Variants in LRP1B observed in about 807,000 individuals in gnomAD.
LRP1B encodes low-density lipoprotein receptor-related protein 1B.
Under a neutral mutation model 556.6 loss-of-function variants are expected in LRP1B, and 217 were observed. The observed-to-expected ratio is 0.39, with a 90% CI of 0.35 to 0.44. The LOEUF (loss-of-function observed/expected upper bound fraction) is 0.44, where lower values mean the gene tolerates loss of function less well. LRP1B is among the 20% of genes least tolerant of loss of function. The probability of loss-of-function intolerance (pLI) is 1.00; values close to 1 mark genes in which losing one functional copy is unlikely to be tolerated. For synonymous variants in LRP1B, 2,047 were observed against 1,865.8 expected (o/e 1.10, Z -2.50); for missense variants, 5,053 against 5,620.8 (o/e 0.90, Z 3.23).
chr2:141,930,192 T>C (rs1353156601), intron 1 of LRP1B, among the ~76,000 whole-genome samples: 1 of 152,036 alleles, frequency 6.6e-6, no homozygotes, highest in African/African-American at 2.4e-5. Flanking sequence ...CTCTGGCTCA[T>C]GCTAGTGTCT....
chr2:140,301,434 G>T lies in LRP1B; in HGVS notation c.12806-3465C>A, dbSNP rs185404974. On this transcript the variant is annotated intron_variant, in intron 83 of 90. Transcript: ENST00000389484. ...TCAAAGAGAAAATCTAATATCTTCC[G>T]AGTCTGTCTATTTGTACAAATTTTA... is the stretch of plus-strand genomic sequence containing the variant. 3.2e-4 allele frequency among the ~76,000 whole-genome samples: 48 copies of T among 151,900 alleles called. 1 individual carries two copies. The East Asian group carries it at 8.9e-3, about 28-fold the overall frequency.
chr2:141,579,588 A>G (rs1296047164), intron 2 of LRP1B, among the ~76,000 whole-genome samples: 1 of 152,118 alleles, frequency 6.6e-6, no homozygotes, highest in Non-Finnish European at 1.5e-5. Flanking sequence ...GGTGAGCAGA[A>G]TAGACTAGCA....
At chr2:140,661,862 T>C (rs1208317755) in intron 41 of LRP1B, among the ~76,000 whole-genome samples, 1 of 152,112 alleles carries the variant, frequency 6.6e-6, no homozygotes, top group African/African-American at 2.4e-5. Flanking sequence ...TATGTTGTGA[T>C]ACACACAAAA....
chr2:141,165,376 C>G (rs1044369750), intron 7 of LRP1B, among the ~76,000 whole-genome samples: 15 of 151,758 alleles, frequency 9.9e-5, no homozygotes, highest in African/African-American at 3.4e-4. Context: ...TCTGTAAACT[C>G]TTTAGAGGTG....
At chr2:141,588,588 C>A (rs1687220581) in intron 2 of LRP1B, among the ~76,000 whole-genome samples, 1 of 152,146 alleles carries the variant, frequency 6.6e-6, no homozygotes, top group Non-Finnish European at 1.5e-5. Context: ...ACATTCCATA[C>A]AAGTTCCCTC....
At position 142,052,181 on chromosome 2, in the gene LRP1B, A is replaced by G. The variant is rs1900937; in HGVS notation, c.82+78467T>C. On this transcript the variant is annotated intron_variant, in intron 1 of 90. Coordinates refer to ENST00000389484, the MANE Select transcript of LRP1B (RefSeq NM_018557.3). ...CTTCTCATGATTATGGCAAGTTAAA[A>G]AAAAAACTCAAAAACGTCTACCTGA... Among the ~76,000 whole-genome samples, 685 of 152,236 alleles carry G rather than the reference A, an allele frequency of 4.5e-3. 2 individuals carry two copies. Among genetic ancestry groups the G allele is most frequent in the Middle Eastern group, 0.014 (4 of 294 alleles).
chr2:141,213,969 A>T (rs1262593739), intron 6 of LRP1B, among the ~76,000 whole-genome samples: 1 of 152,176 alleles, frequency 6.6e-6, no homozygotes, highest in African/African-American at 2.4e-5. Context: ...ACTACCAAAT[A>T]CAATGTAAAT....
At chr2:141,615,141 T>C (rs914194388) in intron 2 of LRP1B, among the ~76,000 whole-genome samples, 2 of 152,212 alleles carry the variant, frequency 1.3e-5, no homozygotes, top group Admixed American at 1.3e-4. Context: ...AGCAGAGAAC[T>C]TGGCTGAATT....
intron 23 of LRP1B, among the ~76,000 whole-genome samples, chr2:140,894,115 C>T (rs929293388): frequency 2.6e-5 from 4 of 152,174 alleles, no homozygotes; most frequent in African/African-American, 9.7e-5. Flanking sequence ...TTAAGTCCCC[C>T]ATAGCTTCAT....
rs771259326 is a variant in LRP1B at position 140,495,654 on chromosome 2, C to A, written c.8945G>T (p.Cys2982Phe). 6.2e-7 allele frequency: 1 copy of A among 1,613,898 alleles called. No homozygotes were observed. Among genetic ancestry groups the A allele is most frequent in the East Asian group, 2.2e-5 (1 of 44,864 alleles). The change falls in exon 56 of 91, where the codon TGC becomes TTC. Residue 2982 changes from cysteine (C) to phenylalanine (F), a missense_variant. Physicochemically the swap from Cys to Phe is radical, Grantham distance 205. Coordinates refer to ENST00000389484, the MANE Select transcript of LRP1B (RefSeq NM_018557.3). ...CTTGTAAGTCCCGTATGTATTGATGCATTGCTGGCTACAGGGAAAGCCTGA... is the reference window on the plus strand; with the variant it reads ...CTTGTAAGTCCCGTATGTATTGATGAATTGCTGGCTACAGGGAAAGCCTGA... The part of the protein sequence containing the change: ...CSSGFPCSQQ[C>F]INTYGTYKCL...
At chr2:140,899,247 C>G (rs971862765) in intron 23 of LRP1B, 1 of 152,796 alleles carries the variant, frequency 6.5e-6, no homozygotes, top group Non-Finnish European at 1.5e-5. Flanking sequence ...TTATGTTTTA[C>G]TCAATGATCC....
chr2:140,914,467 G>C (rs1694515602), intron 21 of LRP1B, among the ~76,000 whole-genome samples: 1 of 152,138 alleles, frequency 6.6e-6, no homozygotes, highest in Admixed American at 6.6e-5. Flanking sequence ...TGAAGAGAAA[G>C]TAGAATGTTC....
rs200858347 is a variant in LRP1B at position 140,383,294 on chromosome 2, G to A, written c.10531+2599C>T. 7.5e-3 allele frequency among the ~76,000 whole-genome samples: 527 copies of A among 69,840 alleles called. 4 individuals are homozygous for A. The highest frequency in any genetic ancestry group is 0.028 in the African/African-American group (504 of 17,820). The allele number at this position is 69,840 out of a possible 152,430, so 45.8% of individuals were successfully genotyped here. A position where few individuals can be genotyped will look rare whatever the true frequency, so the allele number is the denominator to read the frequency against. ...CTAATGTATTAGGACAGTGATGTGC[G>A]TGTGTGTGTGTGTGTGTGTGTGTGT... On this transcript the variant is annotated intron_variant, in intron 67 of 90. Coordinates refer to ENST00000389484, the MANE Select transcript of LRP1B (RefSeq NM_018557.3).
In LRP1B at chr2:141,219,955, A is replaced by C. The variant is rs554242616; in HGVS notation, c.850+9228T>G. 3.0e-3 allele frequency among the ~76,000 whole-genome samples: 452 copies of C among 152,268 alleles called. 1 individual carries two copies. The highest frequency in any genetic ancestry group is 5.0e-3 in the Non-Finnish European group (341 of 68,030). ...AGCTTCAAAATATTGAAGGTAGAAA[A>C]ACCCACCAAGATGAGAAAGAATTAA... On this transcript the variant is annotated intron_variant, in intron 6 of 90. Transcript: ENST00000389484.
In LRP1B at chr2:141,967,495, G is replaced by A. The variant is rs186705007; in HGVS notation, c.83-157094C>T. Among the ~76,000 whole-genome samples, 343 of 151,806 alleles carry A rather than the reference G, an allele frequency of 2.3e-3. 1 individual carries two copies. The highest frequency in any genetic ancestry group is 7.9e-3 in the African/African-American group (329 of 41,474). Reference sequence around the variant, plus strand: ...AGAAAATCTCACCGTATTTCTTATCGAAGTGCTAGATTCTCATTCCTTTCA... The same window carrying A: ...AGAAAATCTCACCGTATTTCTTATCAAAGTGCTAGATTCTCATTCCTTTCA... On this transcript the variant is annotated intron_variant, in intron 1 of 90. Transcript: ENST00000389484.
At chr2:140,328,561 T>C (rs1031725558) in intron 79 of LRP1B, among the ~76,000 whole-genome samples, 4 of 151,928 alleles carry the variant, frequency 2.6e-5, no homozygotes, top group Admixed American at 1.3e-4. Context: ...GAACAATAAA[T>C]TTAAATCACT....
At chr2:140,423,702 G>C (rs1320081778) in intron 66 of LRP1B, among the ~76,000 whole-genome samples, 3 of 152,066 alleles carry the variant, frequency 2.0e-5, no homozygotes, top group Non-Finnish European at 4.4e-5. Flanking sequence ...TAAATAGCTT[G>C]TGTAACACAT....
intron 42 of LRP1B, 119 bp from the exon 43 acceptor site, chr2:140,598,954 T>C: frequency 1.5e-6 from 1 of 660,440 alleles, no homozygotes; most frequent in Non-Finnish European, 2.6e-6. Context: ...CCTCATATTC[T>C]ATCTTTAACA....
intron 35 of LRP1B, among the ~76,000 whole-genome samples, chr2:140,747,999 T>G (rs527241336): frequency 1.3e-5 from 2 of 149,296 alleles, no homozygotes; most frequent in Non-Finnish European, 3.0e-5. Flanking sequence ...AACAACATAG[T>G]TATTATCATG....
Sources: allele counts gnomAD v4.1 joint callset (sites outside exome capture counted in the v4.1 genomes callset), GRCh38; gene constraint gnomAD v4.1.1; transcripts MANE v1.5; gene names NCBI Gene and HGNC (gene_info 2026-07-23, HGNC 2026-07-21).